The following PIK3C2G variants were observed in gnomAD, a reference collection of about 807,000 sequenced individuals.
The protein encoded by PIK3C2G is phosphatidylinositol 3-kinase C2 domain-containing subunit gamma.
PIK3C2G carries 168 observed loss-of-function variants against 181.1 expected under a neutral mutation model. That is an observed-to-expected ratio of 0.93 (90% CI 0.82 to 1.05). PIK3C2G has a LOEUF of 1.05. Ranked by LOEUF, PIK3C2G falls within the 50% of genes least tolerant of loss-of-function variation. The pLI, the probability that PIK3C2G is intolerant of heterozygous loss-of-function variation, is 0.00. For missense variants in PIK3C2G, 1,869 were observed against 1,732.8 expected (o/e 1.08, Z -1.40); for synonymous variants, 573 against 592.2 (o/e 0.97, Z 0.47).
the PIK3C2G span, among the ~76,000 whole-genome samples, chr12:18,670,386 G>T: frequency 1.3e-5 from 2 of 152,042 alleles, no homozygotes; most frequent in African/African-American, 2.4e-5. Flanking sequence ...CAGAGAGCTA[G>T]AACATAGATA....
At chr12:18,435,211 T>A (rs1946383730) in intron 18 of PIK3C2G, among the ~76,000 whole-genome samples, 1 of 152,196 alleles carries the variant, frequency 6.6e-6, no homozygotes, top group Non-Finnish European at 1.5e-5. Flanking sequence ...GACATTATTC[T>A]TACCCAATAA....
rs374586348 is a variant in PIK3C2G, at chr12:18,398,917, C to T, written c.2127-742C>T. Among the ~76,000 whole-genome samples the T allele has an allele frequency of 4.7e-4, 72 of 152,148 alleles. No individual in the cohort carries two copies. The East Asian group carries it at 6.0e-3, about 13-fold the overall frequency. On this transcript the variant is annotated intron_variant, in intron 15 of 32. Coordinates refer to ENST00000538779, the MANE Select transcript of PIK3C2G (RefSeq NM_001288772.2). ...CATTACTAAAATATGCCATTTTGGC[C>T]GGGCGCAGTGGCTCACGCCTGTAAT...
In PIK3C2G at chr12:18,371,133, A is replaced by G. The variant is rs1942027910; in HGVS notation, c.1749-47A>G. On this transcript the variant is annotated intron_variant, in intron 12 of 32. Transcript: ENST00000538779. ...ATTATAAGAACATTTTCATTAAAAT[A>G]TCAGTACAATTGGGTAGGTAATGCT... is the stretch of plus-strand genomic sequence containing the variant. 17 of 1,457,290 alleles carry G rather than the reference A, an allele frequency of 1.2e-5. No individual in the cohort carries two copies. In the East Asian group the frequency reaches 3.8e-4, roughly 32 times the overall value. The allele number at this position is 1,457,290 out of a possible 1,614,324, so 90.3% of individuals were successfully genotyped here.
the PIK3C2G span, among the ~76,000 whole-genome samples, chr12:18,694,305 G>A: frequency 5.9e-5 from 9 of 152,190 alleles, no homozygotes; most frequent in South Asian, 4.2e-4. Context: ...CCAATAAAGC[G>A]CGCTCTTTCA....
chr12:18,250,989 T>G (rs1220643754), intron 1 of PIK3C2G, among the ~76,000 whole-genome samples: 1 of 151,942 alleles, frequency 6.6e-6, no homozygotes, highest in Non-Finnish European at 1.5e-5. Flanking sequence ...TATTAAAACC[T>G]GAGGATTTAA....
In PIK3C2G at chr12:18,488,590, TG is replaced by T. The variant is rs773221094; in HGVS notation, c.2650del (p.Glu884LysfsTer15). The T allele has an allele frequency of 6.4e-7, 1 of 1,570,574 alleles. No individual in the cohort carries two copies. Among genetic ancestry groups the T allele is most frequent in the Admixed American group, 1.8e-5 (1 of 54,536 alleles). ...AACTTATCAAAATTCTGGGAGATATTGGGGAAAGAGTCAAGTCTGCCAGTGA... is the reference window on the plus strand; with the variant it reads ...AACTTATCAAAATTCTGGGAGATATTGGGAAAGAGTCAAGTCTGCCAGTGA... Reference protein sequence around the residue: ...QKLIKILGDIGERVKSASDHQ... With the variant: ...QKLIKILGDIXERVKSASDHQ... On this transcript the variant is annotated frameshift_variant, in exon 19 of 33. Coordinates refer to ENST00000538779, the MANE Select transcript of PIK3C2G (RefSeq NM_001288772.2). LOFTEE classifies it high-confidence loss of function.
intron 29 of PIK3C2G, among the ~76,000 whole-genome samples, chr12:18,575,628 T>C (rs528736186): frequency 6.6e-6 from 1 of 152,252 alleles, no homozygotes; most frequent in Admixed American, 6.5e-5. Context: ...TGTACTCAAC[T>C]AATTCCAAGT....
chr12:18,684,245 A>T, the PIK3C2G span: 1 of 1,610,498 alleles, frequency 6.2e-7, no homozygotes, highest in Non-Finnish European at 8.5e-7. Context: ...CATGAATAAT[A>T]AATGTGAATG....
Position 18,563,494 on chromosome 12 carries a change from C to A in PIK3C2G, c.3898C>A (p.Pro1300Thr). The A allele has an allele frequency of 6.2e-7, 1 of 1,613,616 alleles. No homozygotes were observed. The change falls in exon 28 of 33, where the codon CCA becomes ACA. Residue 1300 changes from proline (P) to threonine (T), a missense_variant. Physicochemically the swap from Pro to Thr is conservative, Grantham distance 38. Transcript: ENST00000538779. ...LQKQFASLTLPEFPHWWHLPF... is the reference protein window; with the variant it reads ...LQKQFASLTLTEFPHWWHLPF... ...GAAGCAGTTTGCATCACTGACTCTCCCAGAGTAAGGCACTGTCCTTTTACA... is the reference window on the plus strand; with the variant it reads ...GAAGCAGTTTGCATCACTGACTCTCACAGAGTAAGGCACTGTCCTTTTACA...
chr12:18,385,915 T>C (rs1225969335), intron 14 of PIK3C2G, among the ~76,000 whole-genome samples: 1 of 152,164 alleles, frequency 6.6e-6, no homozygotes, highest in Non-Finnish European at 1.5e-5. Flanking sequence ...CTCTTAACTG[T>C]GGTTAGGTAC....
chr12:18,510,948 T>C (rs888739672), intron 24 of PIK3C2G, among the ~76,000 whole-genome samples: 17 of 152,166 alleles, frequency 1.1e-4, no homozygotes, highest in African/African-American at 1.4e-4. Flanking sequence ...TCCTACTGTC[T>C]ATCTGAAACT....
chr12:18,463,889 C>T (rs1948051660), intron 18 of PIK3C2G, among the ~76,000 whole-genome samples: 1 of 152,088 alleles, frequency 6.6e-6, no homozygotes, highest in African/African-American at 2.4e-5. Context: ...GAAGATCAAA[C>T]AGGCCCTTCA....
intron 13 of PIK3C2G, among the ~76,000 whole-genome samples, chr12:18,376,658 T>A (rs1942460828): frequency 6.6e-6 from 1 of 152,152 alleles, no homozygotes; most frequent in Admixed American, 6.5e-5. Context: ...CTCCAAATCT[T>A]GTGCTGAATT....
At chr12:18,693,095 A>C in the PIK3C2G span, 7 of 1,523,418 alleles carry the variant, frequency 4.6e-6, no homozygotes, top group Middle Eastern at 2.3e-4. Context: ...GGGGGACCCC[A>C]ATGTCAGTAG....
intron 24 of PIK3C2G, among the ~76,000 whole-genome samples, chr12:18,517,841 C>A (rs928097185): frequency 6.6e-6 from 1 of 152,094 alleles, no homozygotes; most frequent in African/African-American, 2.4e-5. Flanking sequence ...CAGCTTTTGC[C>A]CATTCAGTAT....
At chr12:18,585,600 G>T (rs938242551) in intron 29 of PIK3C2G, among the ~76,000 whole-genome samples, 13 of 152,182 alleles carry the variant, frequency 8.5e-5, no homozygotes, top group African/African-American at 3.1e-4. Context: ...ATAATAGTGT[G>T]AGACTTCAAC....
At chr12:18,677,344 A>C in the PIK3C2G span, among the ~76,000 whole-genome samples, 2 of 152,120 alleles carry the variant, frequency 1.3e-5, no homozygotes, top group Non-Finnish European at 2.9e-5. Context: ...GCACCGTGCA[A>C]TCAAACCGGT....
chr12:18,725,313 A>T, the PIK3C2G span, among the ~76,000 whole-genome samples: 1 of 152,154 alleles, frequency 6.6e-6, no homozygotes, highest in Non-Finnish European at 1.5e-5. Context: ...AATAAGAAAG[A>T]AGGTGCAATT....
intron 29 of PIK3C2G, among the ~76,000 whole-genome samples, chr12:18,571,719 C>T (rs1271329545): frequency 1.3e-5 from 2 of 150,740 alleles, no homozygotes. Context: ...CATTGCTTTA[C>T]TTTCATCATT....
Sources: allele counts gnomAD v4.1 joint callset (sites outside exome capture counted in the v4.1 genomes callset), GRCh38; gene constraint gnomAD v4.1.1; transcripts MANE v1.5; gene names NCBI Gene and HGNC (gene_info 2026-07-23, HGNC 2026-07-21).